Variants in KLHL2 observed in about 807,000 individuals in gnomAD.
KLHL2 encodes kelch like family member 2, also known as kelch-like protein 2.
KLHL2 carries 15 observed loss-of-function variants against 75.8 expected under a neutral mutation model. The observed-to-expected ratio is 0.20, with a 90% CI of 0.13 to 0.30. The LOEUF is 0.30. Among genes scored for constraint, KLHL2 ranks in the 10% least tolerant of loss-of-function variants. The pLI is 1.00. For missense variants in KLHL2, 381 were observed against 741.0 expected (o/e 0.51, Z 5.64); for synonymous variants, 214 against 251.9 (o/e 0.85, Z 1.42).
intron 5 of KLHL2, among the ~76,000 whole-genome samples, chr4:165,281,226 C>A (rs1743644652): frequency 6.6e-6 from 1 of 151,360 alleles, no homozygotes; most frequent in African/African-American, 2.4e-5. Context: ...CAAAACAGAA[C>A]AAATAACACT....
intron 14 of KLHL2, among the ~76,000 whole-genome samples, chr4:165,321,616 C>T (rs1746988074): frequency 1.3e-5 from 2 of 151,954 alleles, no homozygotes; most frequent in Non-Finnish European, 2.9e-5. Flanking sequence ...GGGTCAGCAC[C>T]CCTGACCCCC....
At chr4:165,209,071 C>T (rs927942775) in intron 1 of KLHL2, among the ~76,000 whole-genome samples, 3 of 152,118 alleles carry the variant, frequency 2.0e-5, no homozygotes, top group Non-Finnish European at 2.9e-5. Flanking sequence ...TGGAACAGGT[C>T]GTGGAAATCT....
chr4:165,267,406 G>A (rs1377064433), intron 5 of KLHL2, among the ~76,000 whole-genome samples: 5 of 152,070 alleles, frequency 3.3e-5, no homozygotes, highest in African/African-American at 1.2e-4. Flanking sequence ...CAAAGGGAAC[G>A]CTTCCAGTTT....
intron 3 of KLHL2, among the ~76,000 whole-genome samples, chr4:165,229,540 A>C (rs1293330816): frequency 6.6e-6 from 1 of 152,248 alleles, no homozygotes; most frequent in East Asian, 1.9e-4. Flanking sequence ...AATAGAAAAT[A>C]CAAATAGAAA....
chr4:165,274,009 T>C (rs1742884076), intron 5 of KLHL2, among the ~76,000 whole-genome samples: 1 of 152,216 alleles, frequency 6.6e-6, no homozygotes, highest in African/African-American at 2.4e-5. Context: ...ATCACATAGC[T>C]TGTGAAGAAC....
intron 5 of KLHL2, chr4:165,278,535 A>C: frequency 6.2e-7 from 1 of 1,609,896 alleles, no homozygotes; most frequent in Non-Finnish European, 8.5e-7. Context: ...GGCTCCCAAT[A>C]AGGTGCATAT....
intron 9 of KLHL2, among the ~76,000 whole-genome samples, chr4:165,309,206 A>G (rs572077473): frequency 1.6e-4 from 24 of 152,344 alleles, no homozygotes; most frequent in African/African-American, 5.8e-4. Context: ...TACATTTATT[A>G]AACCTGAAGT....
intron 9 of KLHL2, among the ~76,000 whole-genome samples, chr4:165,309,957 G>C (rs1271248152): frequency 6.7e-6 from 1 of 149,660 alleles, no homozygotes; most frequent in Non-Finnish European, 1.5e-5. Flanking sequence ...GAAAATAATG[G>C]CTCATTATTT....
At chr4:165,214,953 C>T (rs1257808226) in intron 1 of KLHL2, among the ~76,000 whole-genome samples, 1 of 151,336 alleles carries the variant, frequency 6.6e-6, no homozygotes, top group Non-Finnish European at 1.5e-5. Context: ...AAGTTTTTAT[C>T]TCACAAGATA....
At chr4:165,238,269 G>A (rs926282830) in intron 3 of KLHL2, among the ~76,000 whole-genome samples, 1 of 152,156 alleles carries the variant, frequency 6.6e-6, no homozygotes, top group African/African-American at 2.4e-5. Flanking sequence ...CTGGCATGAG[G>A]GTTGTGACCT....
intron 4 of KLHL2, among the ~76,000 whole-genome samples, chr4:165,239,542 G>A (rs1335443657): frequency 6.6e-6 from 1 of 152,076 alleles, no homozygotes; most frequent in Non-Finnish European, 1.5e-5. Flanking sequence ...TGGGATTATA[G>A]GTGTGAACCA....
intron 4 of KLHL2, among the ~76,000 whole-genome samples, chr4:165,247,680 G>A (rs1740374651): frequency 6.6e-6 from 1 of 152,170 alleles, no homozygotes; most frequent in Non-Finnish European, 1.5e-5. Flanking sequence ...TTGGATGGTG[G>A]AAAGGTAGGT....
rs751927680 is a variant in KLHL2 at position 165,322,078 on chromosome 4, A to G, written c.*18A>G. 2.5e-6 allele frequency: 4 copies of G among 1,609,448 alleles called. No individual in the cohort carries two copies. Among genetic ancestry groups the G allele is most frequent in the African/African-American group, 1.3e-5 (1 of 74,836 alleles). On this transcript the variant is annotated 3_prime_UTR_variant, in exon 15 of 15. Transcript: ENST00000226725. The stretch of plus-strand genomic sequence containing the variant: ...CATTATGAGCCTGAAGGACATTTTC[A>G]GCATATTTATACATGAGAAACAGCC...
intron 14 of KLHL2, 102 bp downstream of exon 14, chr4:165,318,071 A>C: frequency 4.6e-5 from 48 of 1,053,794 alleles, no homozygotes; most frequent in Non-Finnish European, 6.0e-5. Context: ...GTCTTTTCTC[A>C]AGGTATAGTT....
rs1297962566 is a variant in KLHL2 at position 165,305,810 on chromosome 4, A to AT, written c.1039+86dup. On this transcript the variant is annotated intron_variant, in intron 9 of 14. Coordinates refer to ENST00000226725, the MANE Select transcript of KLHL2 (RefSeq NM_007246.4). ...AGGTCTTATTTTATTAATTAGAAAA[A>AT]TCTCTATCAAAAAAGCTTTGAGTAA... The AT allele has an allele frequency of 2.3e-5, 22 of 942,836 alleles. No individual in the cohort carries two copies. The African/African-American group carries it at 3.6e-4, about 16-fold the overall frequency. The allele number at this position is 942,836 out of a possible 1,614,324, so 58.4% of individuals were successfully genotyped here.
chr4:165,256,936 C>A (rs540618672), intron 4 of KLHL2, among the ~76,000 whole-genome samples: 27 of 152,104 alleles, frequency 1.8e-4, no homozygotes, highest in African/African-American at 5.8e-4. Context: ...AACATTTTTC[C>A]AAGTCATTAA....
In KLHL2 at chr4:165,264,765, T is replaced by A. The variant is rs376065079; in HGVS notation, c.544+1406T>A. On this transcript the variant is annotated intron_variant, in intron 5 of 14. Transcript: ENST00000226725. ...GTATATATATATATATATATATATATAAAACATTATCCACTCATTGGCTGA... is the reference window on the plus strand; with the variant it reads ...GTATATATATATATATATATATATAAAAAACATTATCCACTCATTGGCTGA... Among the ~76,000 whole-genome samples the A allele has an allele frequency of 2.8e-3, 264 of 93,990 alleles. 2 individuals are homozygous for A. Among genetic ancestry groups the A allele is most frequent in the Non-Finnish European group, 3.3e-3 (166 of 50,200 alleles). The allele number at this position is 93,990 out of a possible 152,430, so 61.7% of individuals were successfully genotyped here. A position where few individuals can be genotyped will look rare whatever the true frequency, so the allele number is the denominator to read the frequency against.
Position 165,207,875 on chromosome 4 carries a change from C to T in KLHL2, c.-2C>T, listed in dbSNP as rs1164029816. On this transcript the variant is annotated 5_prime_UTR_variant, in exon 1 of 15. Transcript: ENST00000226725. The surrounding 1 kb of genome is among the most constrained non-coding windows in gnomAD (Gnocchi z 4.2). ...GCGTTCTGAAGCCCGAGAGGAGCCACAATGGAGACGCCGCCGCTGCCTCCC... is the reference window on the plus strand; with the variant it reads ...GCGTTCTGAAGCCCGAGAGGAGCCATAATGGAGACGCCGCCGCTGCCTCCC... The T allele has an allele frequency of 1.2e-5, 18 of 1,448,760 alleles. No individual in the cohort carries two copies. The highest frequency in any genetic ancestry group is 1.6e-5 in the Non-Finnish European group (17 of 1,094,106). The allele number at this position is 1,448,760 out of a possible 1,614,324, so 89.7% of individuals were successfully genotyped here.
intron 11 of KLHL2, among the ~76,000 whole-genome samples, chr4:165,312,797 A>G (rs147852618): frequency 6.6e-6 from 1 of 152,272 alleles, no homozygotes; most frequent in East Asian, 1.9e-4. Context: ...GTTTATTTAT[A>G]CTGAGGCATT....
Sources: gnomAD v4.1 joint callset for allele counts (sites outside exome capture counted in the v4.1 genomes callset) on GRCh38, gnomAD v4.1.1 for gene constraint, Gnocchi (gnomAD v3.1) non-coding constraint, MANE v1.5 for transcripts, NCBI Gene and HGNC (gene_info 2026-07-23, HGNC 2026-07-21) for gene names.